The following SHOX2 variants were observed in gnomAD, a reference collection of about 807,000 sequenced individuals.
SHOX2 encodes short stature homeobox protein 2.
A neutral mutation model predicts 31.3 loss-of-function variants in SHOX2; 13 were observed. That is an observed-to-expected ratio of 0.42 (90% CI 0.27 to 0.66). The LOEUF (loss-of-function observed/expected upper bound fraction) is 0.66. SHOX2 is among the 30% of genes least tolerant of loss of function. SHOX2 has a pLI of 0.27. For missense variants in SHOX2, 473 were observed against 443.0 expected, an observed-to-expected ratio of 1.07 and a Z score of -0.61; for synonymous variants, 244 against 196.2, an observed-to-expected ratio of 1.24 and a Z score of -2.04.
In SHOX2 at chr3:158,096,355, T is replaced by C. The variant is rs1397117925; in HGVS notation, c.*1672A>G. 6.7e-6 allele frequency: 1 copy of C among 148,962 alleles called. No individual in the cohort carries two copies. The highest frequency in any genetic ancestry group is 2.5e-5 in the African/African-American group (1 of 40,256). The allele number at this position is 148,962 out of a possible 1,614,324, so 9.2% of individuals were successfully genotyped here. The stretch of plus-strand genomic sequence containing the variant: ...TAGCGAATTGGGATACAGACTGGCT[T>C]AGTCCAAGGTATCCCAGTTTAAATA... On this transcript the variant is annotated 3_prime_UTR_variant, in exon 5 of 5. Coordinates refer to ENST00000483851, the MANE Select transcript of SHOX2 (RefSeq NM_001163678.2).
intron 2 of SHOX2, among the ~76,000 whole-genome samples, chr3:158,102,227 G>A (rs1435325491): frequency 6.6e-6 from 1 of 152,086 alleles, no homozygotes; most frequent in Non-Finnish European, 1.5e-5. Context: ...TGGGATATCC[G>A]CTTGACAAAC....
intron 1 of SHOX2, chr3:158,103,777 A>G (rs926177032): frequency 6.6e-6 from 1 of 152,254 alleles, no homozygotes; most frequent in African/African-American, 2.4e-5. Context: ...CTTAACCCAC[A>G]GAGATCAACA....
At chr3:158,099,262 G>A (rs1299346364) in intron 4 of SHOX2, among the ~76,000 whole-genome samples, 4 of 152,240 alleles carry the variant, frequency 2.6e-5, no homozygotes, top group African/African-American at 9.6e-5. Flanking sequence ...GCTGCAGGCT[G>A]TCCTTTTAAA....
chr3:158,105,685 T>C lies in SHOX2; in HGVS notation c.340A>G (p.Thr114Ala), dbSNP rs1377607419. The C allele has an allele frequency of 1.3e-6, 2 of 1,520,398 alleles. No homozygotes were observed. The highest frequency in any genetic ancestry group is 2.8e-5 in the East Asian group (1 of 36,136). 94.2% of individuals were successfully genotyped at this position (1,520,398 alleles called of 1,614,324 possible). A position where few individuals can be genotyped will look rare whatever the true frequency, so the allele number is the denominator to read the frequency against. ...GGGTCAGTCAGGTCGTTACCCTCCG[T>C]CAGTCGCGGGCTGCCCGGCTCCCTG... ...RSREPGSPRL[T>A]EVSPELKDRK... The change falls in exon 1 of 5, where the codon ACG becomes GCG. Residue 114 changes from threonine (T) to alanine (A), a missense_variant. This residue lies in a region of SHOX2 where 276 missense variants were observed against 230.0 expected (regional missense o/e 1.20). Coordinates refer to ENST00000483851, the MANE Select transcript of SHOX2 (RefSeq NM_001163678.2).
At chr3:158,104,437 T>C (rs1713724359) in intron 1 of SHOX2, among the ~76,000 whole-genome samples, 1 of 152,272 alleles carries the variant, frequency 6.6e-6, no homozygotes. Flanking sequence ...TTTCTAGTTC[T>C]CAGAGTTAGT....
At chr3:158,102,315 A>G (rs1343900134) in intron 2 of SHOX2, among the ~76,000 whole-genome samples, 3 of 152,222 alleles carry the variant, frequency 2.0e-5, no homozygotes. Flanking sequence ...TAAGGCATCC[A>G]GAGATAAAAC....
At chr3:158,101,239 G>A (rs1021397723) in intron 2 of SHOX2, among the ~76,000 whole-genome samples, 1 of 152,134 alleles carries the variant, frequency 6.6e-6, no homozygotes, top group African/African-American at 2.4e-5. Flanking sequence ...CTGCTTCAGA[G>A]CTTTCATTGG....
chr3:158,103,458 G>T (rs1312114602), intron 1 of SHOX2: 1 of 166,050 alleles, frequency 6.0e-6, no homozygotes, highest in South Asian at 1.5e-4. Flanking sequence ...AGGTATCAGC[G>T]AGAGCAACAG....
chr3:158,105,317 C>A lies in SHOX2; in HGVS notation c.346+362G>T, dbSNP rs948468063. ...TTTAGTCCCGCCGTCTGGTTCAGCA[C>A]CCCCTCCTGCAGCCCGGCCCCGCGA... On this transcript the variant is annotated intron_variant, in intron 1 of 4. Coordinates refer to ENST00000483851, the MANE Select transcript of SHOX2 (RefSeq NM_001163678.2). The A allele has an allele frequency of 1.4e-4, 85 of 594,280 alleles. 1 individual carries two copies. Among genetic ancestry groups the A allele is most frequent in the Admixed American group, 2.7e-4 (9 of 33,328 alleles). 36.8% of individuals were successfully genotyped at this position (594,280 alleles called of 1,614,324 possible). A position where few individuals can be genotyped will look rare whatever the true frequency, so the allele number is the denominator to read the frequency against.
chr3:158,100,098 C>A, intron 3 of SHOX2, 150 bp from the exon 4 acceptor site: 1 of 922,236 alleles, frequency 1.1e-6, no homozygotes, highest in South Asian at 1.7e-5. Flanking sequence ...GTAACTTACT[C>A]CCAAACTTTA....
intron 3 of SHOX2, 145 bp downstream of exon 3, chr3:158,100,109 G>T: frequency 1.1e-6 from 1 of 904,798 alleles, no homozygotes; most frequent in Non-Finnish European, 1.7e-6. Flanking sequence ...CCAAACTTTA[G>T]GACTCCATTA....
At position 158,096,851 on chromosome 3, in the gene SHOX2, A is replaced by ACT; in HGVS notation, c.*1174_*1175dup. 1 of 108,524 alleles carries ACT rather than the reference A, an allele frequency of 9.2e-6. No homozygotes were observed. Among genetic ancestry groups the ACT allele is most frequent in the Non-Finnish European group, 1.8e-5 (1 of 55,278 alleles). The allele number at this position is 108,524 out of a possible 1,614,324, so 6.7% of individuals were successfully genotyped here. A position where few individuals can be genotyped will look rare whatever the true frequency, so the allele number is the denominator to read the frequency against. On this transcript the variant is annotated 3_prime_UTR_variant, in exon 5 of 5. Coordinates refer to ENST00000483851, the MANE Select transcript of SHOX2 (RefSeq NM_001163678.2). The stretch of plus-strand genomic sequence containing the variant: ...ATGAGTGTAATTTTTTCCCTTTCTG[A>ACT]CTTTTTTCTTTTGTTCCCCAGGATC...
rs1235016189 is a variant in SHOX2 at position 158,097,469 on chromosome 3, AG to A, written c.*557del. 2 of 152,188 alleles carry A rather than the reference AG, an allele frequency of 1.3e-5. No homozygotes were observed. Among genetic ancestry groups the A allele is most frequent in the African/African-American group, 2.4e-5 (1 of 41,416 alleles). The allele number at this position is 152,188 out of a possible 1,614,324, so 9.4% of individuals were successfully genotyped here. ...GTTGGTAACTCCCCCCAGTCTCTCG[AG>A]AATCGTCTGGGTTGTTTTTCCATAT... On this transcript the variant is annotated 3_prime_UTR_variant, in exon 5 of 5. Coordinates refer to ENST00000483851, the MANE Select transcript of SHOX2 (RefSeq NM_001163678.2).
intron 2 of SHOX2, 76 bp from the exon 3 acceptor site, chr3:158,100,387 A>T (rs533503309): frequency 9.3e-7 from 1 of 1,074,572 alleles, no homozygotes; most frequent in East Asian, 2.5e-5. Flanking sequence ...AAAAGTACAA[A>T]GAGAAAAGAG....
chr3:158,097,872 A>T lies in SHOX2; in HGVS notation c.*155T>A. 1.0e-6 allele frequency: 1 copy of T among 990,054 alleles called. No individual in the cohort carries two copies. Among genetic ancestry groups the T allele is most frequent in the Non-Finnish European group, 1.5e-6 (1 of 669,790 alleles). 61.3% of individuals were successfully genotyped at this position (990,054 alleles called of 1,614,324 possible). ...GTCCTGCGTGGAGTCTGGCTTTCCG[A>T]GTCCAAGATGCGATAGGGGACGAGG... is the stretch of plus-strand genomic sequence containing the variant. On this transcript the variant is annotated 3_prime_UTR_variant, in exon 5 of 5. Transcript: ENST00000483851.
At chr3:158,105,224 G>A (rs963878839) in intron 1 of SHOX2, 2 of 751,930 alleles carry the variant, frequency 2.7e-6, no homozygotes, top group Non-Finnish European at 2.4e-6. Flanking sequence ...ACACCTAGGC[G>A]ACCGGAGGGT....
intron 1 of SHOX2, chr3:158,105,044 C>CG: frequency 2.0e-6 from 1 of 494,814 alleles, no homozygotes; most frequent in South Asian, 1.6e-5. Context: ...CCCCCCCCCC[C>CG]GCCCCCAACA....
Position 158,105,711 on chromosome 3 carries a change from C to G in SHOX2, c.314G>C (p.Ser105Thr), listed in dbSNP as rs890743820. ...CAGTCGCGGGCTGCCCGGCTCCCTG[C>G]TTCTCTCGGCGGCGCCCATGTCCAG... ...RELDMGAAER[S>T]REPGSPRLTE... Residue 105 changes from serine to threonine, a missense_variant, in exon 1 of 5, where the codon AGC becomes ACC. Physicochemically the swap from Ser to Thr is moderately conservative, Grantham distance 58. This residue lies in a region of SHOX2 where 276 missense variants were observed against 230.0 expected (regional missense o/e 1.20). Transcript: ENST00000483851. 8 of 1,522,880 alleles carry G rather than the reference C, an allele frequency of 5.3e-6. No homozygotes were observed. The African/African-American group carries it at 1.0e-4, about 19-fold the overall frequency. 94.3% of individuals were successfully genotyped at this position (1,522,880 alleles called of 1,614,324 possible).
In SHOX2 at chr3:158,098,200, T is replaced by C. The variant is rs1272607782; in HGVS notation, c.787A>G (p.Met263Val). 6.8e-6 allele frequency: 11 copies of C among 1,613,846 alleles called. No homozygotes were observed. The South Asian group carries it at 1.2e-4, about 18-fold the overall frequency. ...CCGAAGGGCGGTGCTGGGAACATCATGTAGGGCGCGTGCGCGGCCAGGTGC... is the reference window on the plus strand; with the variant it reads ...CCGAAGGGCGGTGCTGGGAACATCACGTAGGGCGCGTGCGCGGCCAGGTGC... ...HPHLAAHAPYMMFPAPPFGLP... is the reference protein window; with the variant it reads ...HPHLAAHAPYVMFPAPPFGLP... The change falls in exon 5 of 5, where the codon ATG becomes GTG. Residue 263 changes from methionine to valine, a missense_variant. Physicochemically the swap from Met to Val is conservative, Grantham distance 21. Transcript: ENST00000483851.
Sources: gnomAD v4.1 joint callset for allele counts (sites outside exome capture counted in the v4.1 genomes callset) on GRCh38, gnomAD v4.1.1 for gene constraint, gnomAD v4.1.1 regional missense constraint, MANE v1.5 for transcripts, NCBI Gene and HGNC (gene_info 2026-07-23, HGNC 2026-07-21) for gene names.